The following MAD1L1 variants were observed in gnomAD, a reference collection of about 807,000 sequenced individuals.
MAD1L1 encodes mitotic arrest deficient 1 like 1.
Under a neutral mutation model 96.9 loss-of-function variants are expected in MAD1L1, and 95 were observed. The observed-to-expected ratio is 0.98, with a 90% CI of 0.83 to 1.16. MAD1L1 has a LOEUF of 1.16. MAD1L1 is among the 50% of genes most tolerant of loss of function. The pLI, the probability that MAD1L1 is intolerant of heterozygous loss-of-function variation, is 0.00. For missense variants in MAD1L1, 1,007 were observed against 954.4 expected (o/e 1.06, Z -0.73); for synonymous variants, 473 against 396.6 (o/e 1.19, Z -2.29).
At chr7:1,913,204 G>C (rs891102401) in intron 17 of MAD1L1, among the ~76,000 whole-genome samples, 2 of 152,162 alleles carry the variant, frequency 1.3e-5, no homozygotes, top group Non-Finnish European at 2.9e-5. Flanking sequence ...TCAGATAGCA[G>C]GAGACTCGGG....
chr7:1,896,459 C>G (rs913414705), intron 18 of MAD1L1, among the ~76,000 whole-genome samples: 2 of 152,214 alleles, frequency 1.3e-5, no homozygotes, highest in Non-Finnish European at 1.5e-5. Context: ...TTCAGAAGCC[C>G]ATGCAGGGCT....
intron 16 of MAD1L1, among the ~76,000 whole-genome samples, 168 bp downstream of exon 16, chr7:1,957,461 G>A (rs1380819432): frequency 6.6e-6 from 1 of 152,222 alleles, no homozygotes; most frequent in South Asian, 2.1e-4. Flanking sequence ...GCCTGTCAGC[G>A]GCATGGCCTC....
intron 11 of MAD1L1, among the ~76,000 whole-genome samples, chr7:2,135,188 C>G (rs1788693585): frequency 6.6e-6 from 1 of 152,220 alleles, no homozygotes; most frequent in African/African-American, 2.4e-5. Context: ...CTGAGCAGAA[C>G]CTGTGTGTGG....
At chr7:2,091,566 G>A (rs1584297774) in intron 11 of MAD1L1, among the ~76,000 whole-genome samples, 1 of 152,332 alleles carries the variant, frequency 6.6e-6, no homozygotes, top group East Asian at 1.9e-4. Flanking sequence ...ACAAGGTCAG[G>A]AGATCGAGAC....
chr7:2,154,267 T>C (rs1014700705), intron 10 of MAD1L1, among the ~76,000 whole-genome samples: 3 of 152,198 alleles, frequency 2.0e-5, no homozygotes, highest in Non-Finnish European at 1.5e-5. Context: ...TCTTCACTCA[T>C]GGGAGCTGTG....
intron 10 of MAD1L1, among the ~76,000 whole-genome samples, chr7:2,184,731 G>A (rs527475543): frequency 3.9e-5 from 6 of 152,332 alleles, no homozygotes; most frequent in Non-Finnish European, 5.9e-5. Flanking sequence ...GCCGGGTGCG[G>A]TGGTTCACAC....
At chr7:2,159,585 C>T (rs1029351311) in intron 10 of MAD1L1, among the ~76,000 whole-genome samples, 2 of 152,160 alleles carry the variant, frequency 1.3e-5, no homozygotes, top group African/African-American at 4.8e-5. Context: ...TTATTTTGTT[C>T]TGTTTTTTTC....
chr7:2,044,246 G>C (rs1783822479), intron 12 of MAD1L1, among the ~76,000 whole-genome samples: 1 of 152,206 alleles, frequency 6.6e-6, no homozygotes, highest in African/African-American at 2.4e-5. Flanking sequence ...CAACAACACT[G>C]TGAGGACACG....
chr7:2,040,990 T>G (rs1783648650), intron 12 of MAD1L1, among the ~76,000 whole-genome samples: 1 of 152,222 alleles, frequency 6.6e-6, no homozygotes, highest in Non-Finnish European at 1.5e-5. Flanking sequence ...TGTCTCTCAC[T>G]GTTGGCTGCT....
chr7:1,890,913 A>G (rs1786496867), intron 18 of MAD1L1, among the ~76,000 whole-genome samples: 1 of 152,186 alleles, frequency 6.6e-6, no homozygotes, highest in Non-Finnish European at 1.5e-5. Context: ...TGGGATTTCC[A>G]CAGTCCATGC....
intron 12 of MAD1L1, among the ~76,000 whole-genome samples, chr7:2,028,661 G>C (rs774453211): frequency 6.6e-6 from 1 of 152,066 alleles, no homozygotes; most frequent in Non-Finnish European, 1.5e-5. Context: ...CACCCTATCA[G>C]GTAACGAGAC....
chr7:2,204,501 C>T (rs1792488562), intron 10 of MAD1L1, among the ~76,000 whole-genome samples: 1 of 152,238 alleles, frequency 6.6e-6, no homozygotes, highest in African/African-American at 2.4e-5. Context: ...CACTGACCTG[C>T]TTTCTATCAC....
chr7:2,061,736 A>AC (rs1228355148), intron 12 of MAD1L1, among the ~76,000 whole-genome samples: 1 of 152,174 alleles, frequency 6.6e-6, no homozygotes, highest in Non-Finnish European at 1.5e-5. Flanking sequence ...AAGAGTCAAC[A>AC]CCCCCATGCT....
At position 2,080,851 on chromosome 7, in the gene MAD1L1, G is replaced by A. The variant is rs572599930; in HGVS notation, c.1074-11513C>T. 8.5e-5 allele frequency among the ~76,000 whole-genome samples: 13 copies of A among 152,350 alleles called. No individual in the cohort carries two copies. The South Asian group carries it at 1.9e-3, about 22-fold the overall frequency. On this transcript the variant is annotated intron_variant, in intron 11 of 18. Coordinates refer to ENST00000265854, the MANE Select transcript of MAD1L1 (RefSeq NM_001013836.2). ...GGGAGACGTTTTCGCCTCATTTCTC[G>A]GTTAGGGACACAAATGCTGGGGGAG...
At chr7:2,144,164 AGCCCGGG>A (rs1789178260) in intron 11 of MAD1L1, among the ~76,000 whole-genome samples, 1 of 152,212 alleles carries the variant, frequency 6.6e-6, no homozygotes, top group Non-Finnish European at 1.5e-5. Flanking sequence ...CCAGCTGTTT[AGCCCGGG>A]GCTCAAGTTC....
intron 17 of MAD1L1, among the ~76,000 whole-genome samples, chr7:1,919,341 G>C (rs1788629491): frequency 6.6e-6 from 1 of 152,260 alleles, no homozygotes; most frequent in Non-Finnish European, 1.5e-5. Flanking sequence ...CGGTGTGTTG[G>C]AGCCAGGGAC....
At chr7:1,832,880 C>G (rs1378163260) in intron 18 of MAD1L1, among the ~76,000 whole-genome samples, 2 of 152,078 alleles carry the variant, frequency 1.3e-5, no homozygotes, top group East Asian at 3.8e-4. Context: ...GATCCACTTG[C>G]CTCAGCCTCC....
At chr7:1,955,702 C>A (rs963886776) in intron 16 of MAD1L1, among the ~76,000 whole-genome samples, 2 of 152,162 alleles carry the variant, frequency 1.3e-5, no homozygotes, top group African/African-American at 4.8e-5. Context: ...TCCCCCGGTT[C>A]CTCACAGGCT....
chr7:1,884,418 G>A (rs541222178), intron 18 of MAD1L1, among the ~76,000 whole-genome samples: 3 of 152,172 alleles, frequency 2.0e-5, no homozygotes, highest in Non-Finnish European at 4.4e-5. Context: ...CAGCCTCAGC[G>A]CCTCTGGCTG....
Sources: allele counts gnomAD v4.1 joint callset (sites outside exome capture counted in the v4.1 genomes callset), GRCh38; gene constraint gnomAD v4.1.1; transcripts MANE v1.5; gene names NCBI Gene and HGNC (gene_info 2026-07-23, HGNC 2026-07-21).